Variants in CLMN observed in about 807,000 individuals in gnomAD.
CLMN encodes calmin.
A neutral mutation model predicts 92.7 loss-of-function variants in CLMN; 57 were observed. That is an observed-to-expected ratio of 0.61 (90% CI 0.50 to 0.77). The LOEUF (loss-of-function observed/expected upper bound fraction) is 0.77, where lower values mean the gene tolerates loss of function less well. Among genes scored for constraint, CLMN ranks in the 30% least tolerant of loss-of-function variants. The pLI, the probability that CLMN is intolerant of heterozygous loss-of-function variation, is 0.00. For synonymous variants in CLMN, 466 were observed against 470.6 expected, an observed-to-expected ratio of 0.99 and a Z score of 0.13; for missense variants, 1,158 against 1,237.5, an observed-to-expected ratio of 0.94 and a Z score of 0.96.
chr14:95,198,752 T>TG (rs1428908393), intron 9 of CLMN, among the ~76,000 whole-genome samples: 4 of 152,174 alleles, frequency 2.6e-5, no homozygotes, highest in Non-Finnish European at 5.9e-5. Flanking sequence ...GCAAATCACC[T>TG]GTCCAAGTGC....
At chr14:95,301,638 A>T (rs1043978058) in intron 1 of CLMN, among the ~76,000 whole-genome samples, 2 of 152,232 alleles carry the variant, frequency 1.3e-5, no homozygotes, top group Non-Finnish European at 2.9e-5. Context: ...CCCAGGATGG[A>T]CCGGTCACCT....
intron 1 of CLMN, among the ~76,000 whole-genome samples, chr14:95,257,813 G>A (rs1899062924): frequency 6.6e-6 from 1 of 152,234 alleles, no homozygotes; most frequent in Non-Finnish European, 1.5e-5. Flanking sequence ...CCTATGCTGA[G>A]CCTCTTCCCT....
At chr14:95,206,061 A>G (rs1595566547) in intron 8 of CLMN, among the ~76,000 whole-genome samples, 1 of 152,244 alleles carries the variant, frequency 6.6e-6, no homozygotes, top group African/African-American at 2.4e-5. Flanking sequence ...TACTTTAAAT[A>G]TAAGTGTACA....
chr14:95,273,718 A>C (rs1053051855), intron 1 of CLMN, among the ~76,000 whole-genome samples: 2 of 152,166 alleles, frequency 1.3e-5, no homozygotes, highest in Non-Finnish European at 2.9e-5. Flanking sequence ...GGTGAACGTG[A>C]GTGTGTTTTT....
Position 95,186,961 on chromosome 14 carries a change from T to C in CLMN, c.*4603A>G, listed in dbSNP as rs1354992733. 10 of 152,152 alleles carry C rather than the reference T, an allele frequency of 6.6e-5. No homozygotes were observed. Among genetic ancestry groups the C allele is most frequent in the Admixed American group, 6.5e-4 (10 of 15,274 alleles). 9.4% of individuals were successfully genotyped at this position (152,152 alleles called of 1,614,324 possible). ...CTTTGGGGAGGCAGGAGATCTAAGATCATTTACTGACAATAGGCAGCAAAA... is the reference window on the plus strand; with the variant it reads ...CTTTGGGGAGGCAGGAGATCTAAGACCATTTACTGACAATAGGCAGCAAAA... On this transcript the variant is annotated 3_prime_UTR_variant, in exon 13 of 13. Coordinates refer to ENST00000298912, the MANE Select transcript of CLMN (RefSeq NM_024734.4).
chr14:95,264,008 CTTTATTTATTTATTTATTTATTTATTTA>C (rs34763756), intron 1 of CLMN, among the ~76,000 whole-genome samples: 14 of 143,760 alleles, frequency 9.7e-5, no homozygotes, highest in East Asian at 6.3e-4. Context: ...CACCTTATTA[CTTTATTTATTTATTTATTTATTTATTTA>C]TTTATTTATT....
In CLMN at chr14:95,262,634, T is replaced by A. The variant is rs926788646; in HGVS notation, c.83-32501A>T. Among the ~76,000 whole-genome samples the A allele has an allele frequency of 3.3e-5, 5 of 152,190 alleles. No individual in the cohort carries two copies. The East Asian group carries it at 9.6e-4, about 29-fold the overall frequency. On this transcript the variant is annotated intron_variant, in intron 1 of 12. Transcript: ENST00000298912. ...AGGCTGGAGTATAGTGGTGTGATCA[T>A]GGCTCACTGCAGCCTCATCCTCTCC...
intron 1 of CLMN, among the ~76,000 whole-genome samples, chr14:95,292,449 C>CCCACCT (rs955252603): frequency 6.6e-5 from 9 of 136,982 alleles, no homozygotes; most frequent in African/African-American, 2.1e-4. Context: ...CACCCCCACC[C>CCCACCT]CCACCTCCAC....
chr14:95,227,901 C>T (rs1897762715), intron 2 of CLMN, among the ~76,000 whole-genome samples: 1 of 152,236 alleles, frequency 6.6e-6, no homozygotes, highest in South Asian at 2.1e-4. Flanking sequence ...GTTTCCTTTA[C>T]ATGCAAGGTT....
intron 1 of CLMN, among the ~76,000 whole-genome samples, chr14:95,304,515 C>A (rs1901192173): frequency 6.6e-6 from 1 of 152,042 alleles, no homozygotes; most frequent in Non-Finnish European, 1.5e-5. Flanking sequence ...AAAGAACCAG[C>A]CGGATCCGTG....
At position 95,264,015 on chromosome 14, in the gene CLMN, T is replaced by A. The variant is rs1258030850; in HGVS notation, c.83-33882A>T. On this transcript the variant is annotated intron_variant, in intron 1 of 12. Transcript: ENST00000298912. ...TTACTTTGCACCTTATTACTTTATTTATTTATTTATTTATTTATTTATTTA... is the reference window on the plus strand; with the variant it reads ...TTACTTTGCACCTTATTACTTTATTAATTTATTTATTTATTTATTTATTTA... Among the ~76,000 whole-genome samples the A allele has an allele frequency of 3.2e-4, 22 of 68,140 alleles. No individual in the cohort carries two copies. The South Asian group carries it at 4.6e-3, about 14-fold the overall frequency. The allele number at this position is 68,140 out of a possible 152,430, so 44.7% of individuals were successfully genotyped here.
At chr14:95,292,433 C>CACCCCT (rs1900608717) in intron 1 of CLMN, among the ~76,000 whole-genome samples, 1 of 116,054 alleles carries the variant, frequency 8.6e-6, no homozygotes, top group Non-Finnish European at 1.9e-5. Context: ...AAGGGTCCCC[C>CACCCCT]ACCCCCACCC....
intron 1 of CLMN, among the ~76,000 whole-genome samples, chr14:95,284,529 C>T (rs1326720431): frequency 1.3e-5 from 2 of 152,158 alleles, no homozygotes; most frequent in African/African-American, 4.8e-5. Flanking sequence ...GGAGGCTGTA[C>T]CCTGCAAAGC....
intron 1 of CLMN, among the ~76,000 whole-genome samples, chr14:95,236,452 C>T (rs1200995100): frequency 1.3e-5 from 2 of 152,222 alleles, no homozygotes; most frequent in South Asian, 2.1e-4. Flanking sequence ...GGTGATGGCT[C>T]CCAGGGGACA....
In CLMN at chr14:95,319,873, A is replaced by G. The variant is rs1482062631; in HGVS notation, c.-81T>C. The G allele has an allele frequency of 1.4e-6, 1 of 705,140 alleles. No homozygotes were observed. Among genetic ancestry groups the G allele is most frequent in the African/African-American group, 2.6e-5 (1 of 38,540 alleles). 43.7% of individuals were successfully genotyped at this position (705,140 alleles called of 1,614,324 possible). A position where few individuals can be genotyped will look rare whatever the true frequency, so the allele number is the denominator to read the frequency against. On this transcript the variant is annotated 5_prime_UTR_variant, in exon 1 of 13. Transcript: ENST00000298912. The stretch of plus-strand genomic sequence containing the variant: ...CCTGGCTGGCGGGCGCGCGAGCGGC[A>G]CGCACCCGGCGAGGGCGCCGCGGAG...
At chr14:95,196,792 C>CA in intron 9 of CLMN, 98 bp from the exon 10 acceptor site, 3 of 1,176,940 alleles carry the variant, frequency 2.5e-6, no homozygotes, top group Non-Finnish European at 3.6e-6. Context: ...CCAGCCAGGG[C>CA]GTCCCTTCCA....
intron 1 of CLMN, among the ~76,000 whole-genome samples, chr14:95,283,616 G>C (rs1013653808): frequency 1.3e-5 from 2 of 152,164 alleles, no homozygotes; most frequent in Admixed American, 1.3e-4. Flanking sequence ...AACTTGTTGG[G>C]AACCACAGCA....
At position 95,273,036 on chromosome 14, in the gene CLMN, T is replaced by C. The variant is rs138014906; in HGVS notation, c.83-42903A>G. ...CTTAATGAAATATTTTACACTTCTA[T>C]GAAGAAAATGCATATGCATGCCTAC... is the stretch of plus-strand genomic sequence containing the variant. On this transcript the variant is annotated intron_variant, in intron 1 of 12. Coordinates refer to ENST00000298912, the MANE Select transcript of CLMN (RefSeq NM_024734.4). Among the ~76,000 whole-genome samples, 12 of 152,264 alleles carry C rather than the reference T, an allele frequency of 7.9e-5. No individual in the cohort carries two copies. In the East Asian group the frequency reaches 2.1e-3, roughly 27 times the overall value.
rs1896550198 is a variant in CLMN, at chr14:95,191,130, C to T, written c.*434G>A. 6.5e-6 allele frequency: 1 copy of T among 152,936 alleles called. No homozygotes were observed. Among genetic ancestry groups the T allele is most frequent in the South Asian group, 2.1e-4 (1 of 4,864 alleles). The allele number at this position is 152,936 out of a possible 1,614,324, so 9.5% of individuals were successfully genotyped here. A position where few individuals can be genotyped will look rare whatever the true frequency, so the allele number is the denominator to read the frequency against. ...GGAGGAAAACGTGGCAGCTCTCTCC[C>T]CAGCTGGGGCTTGGCCTGGGGTGCC... is the stretch of plus-strand genomic sequence containing the variant. On this transcript the variant is annotated 3_prime_UTR_variant, in exon 13 of 13. Coordinates refer to ENST00000298912, the MANE Select transcript of CLMN (RefSeq NM_024734.4). The surrounding 1 kb of genome is among the most constrained non-coding windows in gnomAD (Gnocchi z 5.3).
Sources: allele counts gnomAD v4.1 joint callset (sites outside exome capture counted in the v4.1 genomes callset), GRCh38; gene constraint gnomAD v4.1.1; non-coding constraint Gnocchi (gnomAD v3.1); transcripts MANE v1.5; gene names NCBI Gene and HGNC (gene_info 2026-07-23, HGNC 2026-07-21).